The following CACNA1S variants were observed in gnomAD, a reference collection of about 807,000 sequenced individuals.
CACNA1S encodes voltage-dependent L-type calcium channel subunit alpha-1S.
Under a neutral mutation model 207.4 loss-of-function variants are expected in CACNA1S, and 126 were observed. The observed-to-expected ratio is 0.61, with a 90% CI of 0.53 to 0.70. The LOEUF is 0.70. Among genes scored for constraint, CACNA1S ranks in the 30% least tolerant of loss-of-function variants. CACNA1S has a pLI of 0.00. For missense variants in CACNA1S, 2,349 were observed against 2,422.8 expected (o/e 0.97, Z 0.64); for synonymous variants, 960 against 932.7 (o/e 1.03, Z -0.53).
intron 24 of CACNA1S, 148 bp from the exon 25 acceptor site, chr1:201,061,616 G>T (rs16847607): frequency 2.6e-6 from 2 of 776,042 alleles, no homozygotes; most frequent in South Asian, 1.8e-5. Context: ...TTAGGTCGGC[G>T]CCAGGAAAGA....
chr1:201,076,673 T>A (rs551276164), intron 12 of CACNA1S, among the ~76,000 whole-genome samples: 24 of 152,348 alleles, frequency 1.6e-4, no homozygotes, highest in Admixed American at 1.6e-3. Context: ...AGGCCAGCAC[T>A]GTGCTGGGCA....
rs538941261 is a variant in CACNA1S, at chr1:201,079,670, C to T, written c.1394-1566G>A. Among the ~76,000 whole-genome samples, 23 of 151,092 alleles carry T rather than the reference C, an allele frequency of 1.5e-4. No homozygotes were observed. The South Asian group carries it at 4.2e-3, about 28-fold the overall frequency. ...CTTGACCTCAAACTGGGGCCTTGAA[C>T]ATTCCTAGGCACTAATAAAGGTAAT... is the stretch of plus-strand genomic sequence containing the variant. On this transcript the variant is annotated intron_variant, in intron 10 of 43. Transcript: ENST00000362061.
intron 6 of CACNA1S, among the ~76,000 whole-genome samples, chr1:201,088,847 T>A (rs181390582): frequency 2.6e-5 from 4 of 152,326 alleles, no homozygotes; most frequent in Admixed American, 1.3e-4. Context: ...CCTTATTTTA[T>A]AGGTGAGGAA....
At chr1:201,060,236 T>C (rs1162831839) in intron 26 of CACNA1S, among the ~76,000 whole-genome samples, 1 of 152,198 alleles carries the variant, frequency 6.6e-6, no homozygotes, top group African/African-American at 2.4e-5. Context: ...AATTATGATA[T>C]TGTCTATAAA....
chr1:201,089,540 A>G, intron 5 of CACNA1S, 77 bp from the exon 6 acceptor site: 1 of 1,371,826 alleles, frequency 7.3e-7, no homozygotes, highest in East Asian at 2.4e-5. Context: ...GTATAAGAGC[A>G]ATTTAAGAGA....
rs374289893 is a variant in CACNA1S at position 201,066,214 on chromosome 1, C to G, written c.2745+15G>C. On this transcript the variant is annotated intron_variant, in intron 21 of 43. Coordinates refer to ENST00000362061, the MANE Select transcript of CACNA1S (RefSeq NM_000069.3). This position sits in a 1 kb window ranked among gnomAD's most constrained non-coding sequence, Gnocchi z 4.3. ...CCCATTCCTCTCTGGGGCTCCTGCC[C>G]GGGCCCTCTCTCACCTTCAACCCCT... The G allele has an allele frequency of 1.9e-6, 3 of 1,611,518 alleles. No homozygotes were observed. In the Admixed American group the frequency reaches 5.0e-5, roughly 27 times the overall value.
chr1:201,105,823 C>G (rs1018813615), intron 2 of CACNA1S, among the ~76,000 whole-genome samples: 1 of 152,182 alleles, frequency 6.6e-6, no homozygotes, highest in Admixed American at 6.5e-5. Context: ...TGGAGGGACA[C>G]TGCCAAGGGA....
In CACNA1S at chr1:201,039,620, A is replaced by G; in HGVS notation, c.*211T>C. The G allele has an allele frequency of 1.6e-6, 1 of 634,172 alleles. No individual in the cohort carries two copies. Among genetic ancestry groups the G allele is most frequent in the South Asian group, 1.9e-5 (1 of 52,666 alleles). 39.3% of individuals were successfully genotyped at this position (634,172 alleles called of 1,614,324 possible). ...TGAATGACATTAGAAGCTCCATCCAATCATGCCTCTTGCTGGTGAGGGGCA... is the reference window on the plus strand; with the variant it reads ...TGAATGACATTAGAAGCTCCATCCAGTCATGCCTCTTGCTGGTGAGGGGCA... On this transcript the variant is annotated 3_prime_UTR_variant, in exon 44 of 44. Transcript: ENST00000362061.
intron 9 of CACNA1S, 143 bp downstream of exon 9, chr1:201,084,806 TG>T: frequency 1.5e-6 from 1 of 665,572 alleles, no homozygotes; most frequent in Non-Finnish European, 2.7e-6. Flanking sequence ...GAGCAGGAAC[TG>T]GCCCTATTTT....
In CACNA1S at chr1:201,061,465, C is replaced by T. The variant is rs755669852; in HGVS notation, c.3057G>A (p.Leu1019=). The change falls in exon 25 of 44, where the codon CTG becomes CTA. Residue 1019 remains leucine (L), a synonymous_variant. Coordinates refer to ENST00000362061, the MANE Select transcript of CACNA1S (RefSeq NM_000069.3). The stretch of plus-strand genomic sequence containing the variant: ...CATTGGAGTCTATGGCCTTGTACAG[C>T]AGCCTGGGGGTGGGCAGAGAAGAGA... ...TVSTFEGWPQ[L]LYKAIDSNAE... The T allele has an allele frequency of 1.8e-5, 29 of 1,613,604 alleles. No homozygotes were observed. The South Asian group carries it at 2.4e-4, about 13-fold the overall frequency.
Position 201,075,537 on chromosome 1 carries a change from G to A in CACNA1S, c.1906C>T (p.Leu636Phe), listed in dbSNP as rs1284584302. The change falls in exon 13 of 44, where the codon CTT (leucine) becomes TTT (phenylalanine). Residue 636 changes from leucine (L) to phenylalanine (F), a missense_variant. Coordinates refer to ENST00000362061, the MANE Select transcript of CACNA1S (RefSeq NM_000069.3). ...AGGATGATGAAGTAAATGCACACAAGCATGCCAGGGTAGGACGGCCCGCCG... is the reference window on the plus strand; with the variant it reads ...AGGATGATGAAGTAAATGCACACAAACATGCCAGGGTAGGACGGCCCGCCG... ...AYGGPSYPGM[L>F]VCIYFIILFV... 8 of 1,611,572 alleles carry A rather than the reference G, an allele frequency of 5.0e-6. No homozygotes were observed. The African/African-American group carries it at 8.1e-5, about 16-fold the overall frequency.
chr1:201,069,310 C>T, intron 18 of CACNA1S, 114 bp from the exon 19 acceptor site: 8 of 1,415,460 alleles, frequency 5.7e-6, no homozygotes, highest in African/African-American at 1.4e-5. Flanking sequence ...CCAGCCTGTG[C>T]CGTTCAGAAG....
chr1:201,086,372 CA>C (rs1313083605), intron 7 of CACNA1S, among the ~76,000 whole-genome samples: 1 of 152,230 alleles, frequency 6.6e-6, no homozygotes, highest in Non-Finnish European at 1.5e-5. Flanking sequence ...AGCTAGGCTT[CA>C]CTTAATGACT....
chr1:201,069,051 T>C, intron 19 of CACNA1S, 86 bp downstream of exon 19: 1 of 1,211,000 alleles, frequency 8.3e-7, no homozygotes, highest in African/African-American at 1.5e-5. Flanking sequence ...TTTCTGCTTC[T>C]CTCCAGCCCC....
rs151218760 is a variant in CACNA1S, at chr1:201,060,738, A to C, written c.3334T>G (p.Trp1112Gly). ...AAGTAGGAGGAGGTGACAATGTACCACACCTGGTACTGGTATGGGTTTTTG... is the reference window on the plus strand; with the variant it reads ...AAGTAGGAGGAGGTGACAATGTACCCCACCTGGTACTGGTATGGGTTTTTG... The part of the protein sequence containing the change: ...IPKNPYQYQV[W>G]YIVTSSYFEY... The change falls in exon 26 of 44, where the codon TGG becomes GGG. Residue 1112 changes from tryptophan to glycine, a missense_variant. Coordinates refer to ENST00000362061, the MANE Select transcript of CACNA1S (RefSeq NM_000069.3). 43 of 1,614,158 alleles carry C rather than the reference A, an allele frequency of 2.7e-5. No individual in the cohort carries two copies. The African/African-American group carries it at 5.3e-4, about 20-fold the overall frequency.
intron 38 of CACNA1S, among the ~76,000 whole-genome samples, chr1:201,046,512 C>T (rs1335433537): frequency 6.6e-6 from 1 of 151,330 alleles, no homozygotes; most frequent in Non-Finnish European, 1.5e-5. Context: ...AAGAGCCCTT[C>T]ATGGATCACC....
intron 2 of CACNA1S, among the ~76,000 whole-genome samples, chr1:201,095,601 A>G (rs1451559973): frequency 6.6e-6 from 1 of 152,212 alleles, no homozygotes; most frequent in Non-Finnish European, 1.5e-5. Context: ...AGACTGCAAC[A>G]TACAAGGACT....
At chr1:201,047,877 T>C (rs1348810170) in intron 36 of CACNA1S, among the ~76,000 whole-genome samples, 5 of 152,250 alleles carry the variant, frequency 3.3e-5, no homozygotes, top group Admixed American at 6.5e-5. Context: ...TGGTTGGTTT[T>C]ACAGGCTGTC....
intron 2 of CACNA1S, among the ~76,000 whole-genome samples, chr1:201,095,983 A>G (rs756942279): frequency 1.9e-4 from 29 of 152,222 alleles, no homozygotes; most frequent in Non-Finnish European, 2.6e-4. Flanking sequence ...GGCAGCATTT[A>G]CAATTTCAGG....
Sources: gnomAD v4.1 joint callset for allele counts (sites outside exome capture counted in the v4.1 genomes callset) on GRCh38, gnomAD v4.1.1 for gene constraint, Gnocchi (gnomAD v3.1) non-coding constraint, MANE v1.5 for transcripts, NCBI Gene and HGNC (gene_info 2026-07-23, HGNC 2026-07-21) for gene names.